Variants in MACROD2 observed in about 807,000 individuals in gnomAD.
MACROD2 encodes ADP-ribose glycohydrolase MACROD2.
Under a neutral mutation model 70.4 loss-of-function variants are expected in MACROD2, and 36 were observed. That is an observed-to-expected ratio of 0.51 (90% CI 0.39 to 0.68). The LOEUF (loss-of-function observed/expected upper bound fraction) is 0.68. MACROD2 is among the 30% of genes least tolerant of loss of function. The probability of loss-of-function intolerance (pLI) is 0.00; values close to 1 mark genes in which losing one functional copy is unlikely to be tolerated. For synonymous variants in MACROD2, 172 were observed against 178.8 expected, an observed-to-expected ratio of 0.96 and a Z score of 0.30; for missense variants, 496 against 538.4, an observed-to-expected ratio of 0.92 and a Z score of 0.78.
intron 5 of MACROD2, among the ~76,000 whole-genome samples, chr20:15,144,161 G>A (rs1002237567): frequency 2.6e-5 from 4 of 151,990 alleles, no homozygotes; most frequent in African/African-American, 4.8e-5. Context: ...ACATCATGTT[G>A]TCCAGGCTGG....
At chr20:14,744,446 T>G (rs956179757) in intron 5 of MACROD2, among the ~76,000 whole-genome samples, 2 of 152,220 alleles carry the variant, frequency 1.3e-5, no homozygotes, top group Admixed American at 6.5e-5. Context: ...CTTACATAAT[T>G]ATCATGTTTG....
intron 5 of MACROD2, among the ~76,000 whole-genome samples, chr20:14,785,560 T>C (rs2123792249): frequency 6.6e-6 from 1 of 152,122 alleles, no homozygotes; most frequent in South Asian, 2.1e-4. Flanking sequence ...ATCTATTTCA[T>C]AGCTTACATA....
intron 8 of MACROD2, among the ~76,000 whole-genome samples, chr20:15,526,760 T>C (rs2047727180): frequency 6.6e-6 from 1 of 152,264 alleles, no homozygotes; most frequent in Admixed American, 6.5e-5. Context: ...GACACTTCTT[T>C]TTTTGGCCAG....
intron 15 of MACROD2, among the ~76,000 whole-genome samples, chr20:16,032,835 G>A (rs1417834433): frequency 6.6e-6 from 1 of 151,170 alleles, no homozygotes; most frequent in Non-Finnish European, 1.5e-5. Flanking sequence ...AGAGAAGGAA[G>A]GAAGAAACAA....
intron 6 of MACROD2, among the ~76,000 whole-genome samples, chr20:15,320,922 A>T (rs1369811481): frequency 6.6e-6 from 1 of 152,210 alleles, no homozygotes; most frequent in Non-Finnish European, 1.5e-5. Flanking sequence ...AGACATGTAG[A>T]CTGTGTTTCA....
chr20:15,327,891 G>A (rs6079752), intron 6 of MACROD2, among the ~76,000 whole-genome samples: 2 of 152,154 alleles, frequency 1.3e-5, no homozygotes, highest in African/African-American at 2.4e-5. Context: ...CTATGTATCA[G>A]GGACTGGTCT....
intron 5 of MACROD2, among the ~76,000 whole-genome samples, chr20:15,029,427 T>A (rs555878352): frequency 6.6e-6 from 1 of 152,342 alleles, no homozygotes; most frequent in East Asian, 1.9e-4. Flanking sequence ...GGAGGGCTTG[T>A]TGAAACACAG....
At chr20:14,825,963 A>G (rs889269753) in intron 5 of MACROD2, among the ~76,000 whole-genome samples, 2 of 152,150 alleles carry the variant, frequency 1.3e-5, no homozygotes, top group African/African-American at 4.8e-5. Context: ...CTAAGCTTCA[A>G]TAAGGAGATA....
intron 5 of MACROD2, among the ~76,000 whole-genome samples, chr20:14,879,699 T>C (rs1239931344): frequency 1.3e-5 from 2 of 152,206 alleles, no homozygotes; most frequent in Non-Finnish European, 2.9e-5. Context: ...GTGGCATATA[T>C]AGAGTATAGC....
intron 3 of MACROD2, among the ~76,000 whole-genome samples, chr20:14,427,883 GTATAATGTTCTCTT>G (rs1359697222): frequency 2.0e-5 from 3 of 151,598 alleles, no homozygotes; most frequent in Non-Finnish European, 1.5e-5. Flanking sequence ...TTGGAATGCT[GTATAATGTTCTCTT>G]TATAATGGAA....
At chr20:15,350,683 A>C (rs2078218196) in intron 6 of MACROD2, among the ~76,000 whole-genome samples, 1 of 152,188 alleles carries the variant, frequency 6.6e-6, no homozygotes, top group Non-Finnish European at 1.5e-5. Context: ...TTAAATCTGT[A>C]GGTACCTAAG....
intron 5 of MACROD2, among the ~76,000 whole-genome samples, chr20:15,017,529 C>T (rs2075131119): frequency 6.6e-6 from 1 of 152,142 alleles, no homozygotes; most frequent in African/African-American, 2.4e-5. Flanking sequence ...TGGTCCTCTT[C>T]TCACAGCTCC....
intron 3 of MACROD2, among the ~76,000 whole-genome samples, chr20:14,225,828 G>GT (rs1241407125): frequency 2.6e-5 from 4 of 152,120 alleles, no homozygotes; most frequent in South Asian, 4.1e-4. Context: ...AACTTAGAAT[G>GT]TTTTTTCTAA....
chr20:14,000,163 TC>T (rs2052714160), intron 1 of MACROD2, among the ~76,000 whole-genome samples: 1 of 152,218 alleles, frequency 6.6e-6, no homozygotes, highest in South Asian at 2.1e-4. Flanking sequence ...CGTTCCCTCT[TC>T]TTTTTCCTTT....
At chr20:15,202,781 A>C (rs895139422) in intron 5 of MACROD2, among the ~76,000 whole-genome samples, 1 of 152,168 alleles carries the variant, frequency 6.6e-6, no homozygotes, top group African/African-American at 2.4e-5. Flanking sequence ...TGGCTGCTGG[A>C]GTTCCAGCCA....
At chr20:15,869,439 C>G (rs936561389) in intron 9 of MACROD2, among the ~76,000 whole-genome samples, 2 of 150,888 alleles carry the variant, frequency 1.3e-5, no homozygotes, top group African/African-American at 4.9e-5. Context: ...AGAAAAAAAG[C>G]TAAAATATTC....
intron 8 of MACROD2, among the ~76,000 whole-genome samples, chr20:15,738,167 A>G (rs982189823): frequency 6.6e-6 from 1 of 152,224 alleles, no homozygotes; most frequent in Admixed American, 6.5e-5. Context: ...TAATAACTGT[A>G]CATTTTAAAG....
At chr20:14,045,832 T>C (rs2053465346) in intron 2 of MACROD2, among the ~76,000 whole-genome samples, 1 of 152,158 alleles carries the variant, frequency 6.6e-6, no homozygotes, top group African/African-American at 2.4e-5. Flanking sequence ...CAGGTAGATC[T>C]GAAAAAGAAT....
intron 10 of MACROD2, among the ~76,000 whole-genome samples, chr20:15,897,275 TG>T (rs1459437561): frequency 6.6e-6 from 1 of 152,204 alleles, no homozygotes; most frequent in African/African-American, 2.4e-5. Flanking sequence ...TATTTCCGTT[TG>T]TTTTTTGCTT....
Sources: gnomAD v4.1 joint callset for allele counts (sites outside exome capture counted in the v4.1 genomes callset) on GRCh38, gnomAD v4.1.1 for gene constraint, MANE v1.5 for transcripts, NCBI Gene and HGNC (gene_info 2026-07-23, HGNC 2026-07-21) for gene names.